Variants in KALRN observed in about 807,000 individuals in gnomAD.
KALRN encodes kalirin.
KALRN carries 70 observed loss-of-function variants against 353.7 expected under a neutral mutation model. That is an observed-to-expected ratio of 0.20 (90% CI 0.16 to 0.24). The LOEUF is 0.24. Among genes scored for constraint, KALRN ranks in the 10% least tolerant of loss-of-function variants. KALRN has a pLI of 1.00. For missense variants in KALRN, 2,791 were observed against 3,756.7 expected (o/e 0.74, Z 6.72); for synonymous variants, 1,391 against 1,434.8 (o/e 0.97, Z 0.69).
intron 11 of KALRN, among the ~76,000 whole-genome samples, chr3:124,390,762 G>A (rs1292146574): frequency 6.6e-6 from 1 of 152,130 alleles, no homozygotes; most frequent in African/African-American, 2.4e-5. Flanking sequence ...CAGCCAATCA[G>A]CAGGAGAAAG....
chr3:124,337,544 C>T (rs1256342031), intron 9 of KALRN, among the ~76,000 whole-genome samples: 1 of 152,112 alleles, frequency 6.6e-6, no homozygotes, highest in Non-Finnish European at 1.5e-5. Flanking sequence ...ATTCATTTGG[C>T]CAGTATTTTA....
At chr3:124,062,476 C>T (rs2042057309) in intron 1 of KALRN, among the ~76,000 whole-genome samples, 1 of 152,200 alleles carries the variant, frequency 6.6e-6, no homozygotes, top group Non-Finnish European at 1.5e-5. Flanking sequence ...GCATCAGACC[C>T]ACTCGGGGAC....
intron 11 of KALRN, among the ~76,000 whole-genome samples, chr3:124,392,599 TTTTC>T (rs1576539540): frequency 1.4e-5 from 2 of 144,876 alleles, no homozygotes; most frequent in East Asian, 3.9e-4. Context: ...GTATATTTTC[TTTTC>T]TTTCTTTCTT....
At chr3:124,510,779 C>T (rs2065819486) in intron 33 of KALRN, among the ~76,000 whole-genome samples, 1 of 152,182 alleles carries the variant, frequency 6.6e-6, no homozygotes, top group Non-Finnish European at 1.5e-5. Flanking sequence ...ATGAGAACTG[C>T]TCTTGAACTT....
At chr3:124,493,936 G>C (rs1577404998) in intron 32 of KALRN, among the ~76,000 whole-genome samples, 1 of 152,218 alleles carries the variant, frequency 6.6e-6, no homozygotes, top group African/African-American at 2.4e-5. Flanking sequence ...AGGTAAGGAG[G>C]GGGTGGACTA....
intron 13 of KALRN, among the ~76,000 whole-genome samples, chr3:124,399,778 G>T (rs2090628926): frequency 6.6e-6 from 1 of 152,110 alleles, no homozygotes; most frequent in Non-Finnish European, 1.5e-5. Flanking sequence ...CACATATTCT[G>T]GTAAATTTAT....
Position 124,400,135 on chromosome 3 carries a change from A to AT in KALRN, c.2346+1274dup, listed in dbSNP as rs200343538. On this transcript the variant is annotated intron_variant, in intron 13 of 59. Transcript: ENST00000682506. Reference sequence around the variant, plus strand: ...CTTCAATGGAACAGCTTTAGAAGGAATTTTTTTTTTAATATATCGAAAGCT... The same window carrying AT: ...CTTCAATGGAACAGCTTTAGAAGGAATTTTTTTTTTTAATATATCGAAAGCT... Among the ~76,000 whole-genome samples, 1,609 of 150,662 alleles carry AT rather than the reference A, an allele frequency of 0.011. 47 individuals are homozygous for AT. The East Asian group carries it at 0.11, about 10-fold the overall frequency.
chr3:124,082,977 A>C (rs1485090201), intron 1 of KALRN, among the ~76,000 whole-genome samples: 1 of 152,212 alleles, frequency 6.6e-6, no homozygotes, highest in East Asian at 1.9e-4. Context: ...TCCTTCTGGT[A>C]CTTGGTTGAC....
At chr3:124,583,666 G>A (rs1167119091) in intron 34 of KALRN, among the ~76,000 whole-genome samples, 1 of 152,126 alleles carries the variant, frequency 6.6e-6, no homozygotes, top group Non-Finnish European at 1.5e-5. Flanking sequence ...GTTCCTCAAA[G>A]ACAAGTCAAG....
At chr3:124,217,907 G>GCCCAGTCTGTC (rs1202488573) in intron 1 of KALRN, among the ~76,000 whole-genome samples, 1 of 152,196 alleles carries the variant, frequency 6.6e-6, no homozygotes, top group African/African-American at 2.4e-5. Flanking sequence ...CCCAGTCTGT[G>GCCCAGTCTGTC]CCAGTGTATT....
chr3:124,386,754 A>C (rs2088398265), intron 11 of KALRN, among the ~76,000 whole-genome samples: 1 of 152,248 alleles, frequency 6.6e-6, no homozygotes, highest in Non-Finnish European at 1.5e-5. Context: ...AAGCTGAAGT[A>C]GTATAGGTGA....
chr3:124,487,796 G>A (rs2062724375), intron 28 of KALRN, among the ~76,000 whole-genome samples: 1 of 152,182 alleles, frequency 6.6e-6, no homozygotes, highest in Non-Finnish European at 1.5e-5. Flanking sequence ...GTACTGCATA[G>A]CACACTCTTT....
chr3:124,522,410 G>T (rs1049540109), intron 33 of KALRN, among the ~76,000 whole-genome samples: 2 of 151,910 alleles, frequency 1.3e-5, no homozygotes, highest in African/African-American at 4.8e-5. Flanking sequence ...GTCGCTGTGG[G>T]CCTAGCTCTG....
At chr3:124,308,606 C>T (rs777674654) in intron 6 of KALRN, among the ~76,000 whole-genome samples, 1 of 151,806 alleles carries the variant, frequency 6.6e-6, no homozygotes, top group African/African-American at 2.4e-5. Flanking sequence ...GAATTGGAAA[C>T]TAATTTTAGA....
At chr3:124,261,834 G>T (rs541881352) in intron 3 of KALRN, among the ~76,000 whole-genome samples, 27 of 152,254 alleles carry the variant, frequency 1.8e-4, no homozygotes, top group Admixed American at 9.2e-4. Context: ...ACATAGTTGG[G>T]CATGCAACAA....
intron 34 of KALRN, among the ~76,000 whole-genome samples, chr3:124,590,111 A>C (rs1215454676): frequency 6.6e-6 from 1 of 152,184 alleles, no homozygotes; most frequent in African/African-American, 2.4e-5. Context: ...TACTGTCTTC[A>C]ACCCGAATCC....
intron 34 of KALRN, among the ~76,000 whole-genome samples, chr3:124,597,337 G>C (rs952610252): frequency 6.7e-6 from 1 of 148,606 alleles, no homozygotes; most frequent in Non-Finnish European, 1.5e-5. Flanking sequence ...ATAACAAAAA[G>C]GGGAAAAAAA....
chr3:124,658,477 G>C lies in KALRN; in HGVS notation c.6083G>C (p.Arg2028Pro). The C allele has an allele frequency of 6.2e-7, 1 of 1,614,124 alleles. No homozygotes were observed. ...IYVWYCQNKP[R>P]SEYIVAEYDA... ...GTGTGGTATTGTCAGAATAAGCCGC[G>C]CTCAGAGTACATCGTTGCTGAGTAT... Residue 2028 changes from arginine (R) to proline (P), a missense_variant, in exon 42 of 60, where the codon CGC (arginine) becomes CCC (proline). This residue lies in a region of KALRN where 1,065 missense variants were observed against 1,156.4 expected (regional missense o/e 0.92). Coordinates refer to ENST00000682506, the MANE Select transcript of KALRN (RefSeq NM_001388419.1).
intron 45 of KALRN, among the ~76,000 whole-genome samples, chr3:124,666,025 C>T (rs1267096088): frequency 6.6e-6 from 1 of 152,094 alleles, no homozygotes; most frequent in African/African-American, 2.4e-5. Flanking sequence ...GTCCTTGGCC[C>T]ATACTGCAAA....
Sources: allele counts gnomAD v4.1 joint callset (sites outside exome capture counted in the v4.1 genomes callset), GRCh38; gene constraint gnomAD v4.1.1; regional missense constraint gnomAD v4.1.1; transcripts MANE v1.5; gene names NCBI Gene and HGNC (gene_info 2026-07-23, HGNC 2026-07-21).